The following DNAH7 variants were observed in gnomAD, a reference collection of about 807,000 sequenced individuals.
The protein encoded by DNAH7 is axonemal beta dynein heavy chain 7.
Under a neutral mutation model 444.6 loss-of-function variants are expected in DNAH7, and 397 were observed. That is an observed-to-expected ratio of 0.89 (90% confidence interval 0.82 to 0.97). The LOEUF (loss-of-function observed/expected upper bound fraction) is 0.97, where lower values mean the gene tolerates loss of function less well. Ranked by LOEUF, DNAH7 falls within the 50% of genes least tolerant of loss-of-function variation. DNAH7 has a pLI of 0.00. For missense variants in DNAH7, 4,902 were observed against 4,800.8 expected (o/e 1.02, Z -0.62); for synonymous variants, 1,636 against 1,624.4 (o/e 1.01, Z -0.17).
In DNAH7 at chr2:195,923,779, T is replaced by C. The variant is rs1453376477; in HGVS notation, c.3641A>G (p.Asn1214Ser). The change falls in exon 23 of 65, where the codon AAC becomes AGC. Residue 1214 changes from asparagine to serine, a missense_variant. Transcript: ENST00000312428. ...AGTGACAATATCATCAATTTGTCTG[T>C]TACATGTTTTCAAGTATTGCTCAAG... ...KALEQYLKTC[N>S]RQIDDIVTLV... 1.9e-6 allele frequency: 3 copies of C among 1,614,032 alleles called. No homozygotes were observed. The East Asian group carries it at 6.7e-5, about 36-fold the overall frequency.
chr2:195,767,434 A>G (rs539345543), intron 61 of DNAH7, among the ~76,000 whole-genome samples: 1 of 152,208 alleles, frequency 6.6e-6, no homozygotes, highest in East Asian at 1.9e-4. Context: ...TACACCAGTT[A>G]GCTCAATTTG....
rs536197004 is a variant in DNAH7, at chr2:195,798,590, C to T, written c.10353+706G>A. Among the ~76,000 whole-genome samples, 19 of 132,264 alleles carry T rather than the reference C, an allele frequency of 1.4e-4. No individual in the cohort carries two copies. The South Asian group carries it at 4.5e-3, about 31-fold the overall frequency. 86.8% of individuals were successfully genotyped at this position (132,264 alleles called of 152,430 possible). ...ATGGAGTCTCACTCTGTCGCCCAGG[C>T]TGGAGTGCTATGGCGTGATCTCGGC... On this transcript the variant is annotated intron_variant, in intron 55 of 64. Coordinates refer to ENST00000312428, the MANE Select transcript of DNAH7 (RefSeq NM_018897.3).
At chr2:196,026,254 G>C (rs1445189071) in intron 7 of DNAH7, among the ~76,000 whole-genome samples, 1 of 152,160 alleles carries the variant, frequency 6.6e-6, no homozygotes, top group South Asian at 2.1e-4. Context: ...TTGCCTGTGA[G>C]CTATAGTTTG....
At chr2:195,896,109 T>C (rs1300754820) in intron 29 of DNAH7, among the ~76,000 whole-genome samples, 1 of 152,230 alleles carries the variant, frequency 6.6e-6, no homozygotes, top group African/African-American at 2.4e-5. Context: ...GGATAGGTGT[T>C]GAACATTTTA....
rs1000865452 is a variant in DNAH7 at position 196,026,944 on chromosome 2, C to A, written c.487-4G>T. 12 of 1,554,162 alleles carry A rather than the reference C, an allele frequency of 7.7e-6. No individual in the cohort carries two copies. In the African/African-American group the frequency reaches 9.6e-5, roughly 12 times the overall value. Reference sequence around the variant, plus strand: ...GGTGAATATAATAGTAATATCTCTACAAAAAGAAGATAGGAAAAATGTAGA... The same window carrying A: ...GGTGAATATAATAGTAATATCTCTAAAAAAAGAAGATAGGAAAAATGTAGA... On this transcript the variant is annotated splice_region_variant and splice_polypyrimidine_tract_variant and intron_variant, in intron 6 of 64. Coordinates refer to ENST00000312428, the MANE Select transcript of DNAH7 (RefSeq NM_018897.3).
chr2:196,004,057 C>A (rs1347381468), intron 10 of DNAH7, among the ~76,000 whole-genome samples: 1 of 152,096 alleles, frequency 6.6e-6, no homozygotes, highest in Non-Finnish European at 1.5e-5. Context: ...CAGGCATGAT[C>A]CAAGGTGAAA....
At chr2:195,988,354 T>TTAACC in intron 12 of DNAH7, 125 bp from the exon 13 acceptor site, 1 of 833,318 alleles carries the variant, frequency 1.2e-6, no homozygotes, top group Non-Finnish European at 1.8e-6. Context: ...TTTTAACTGT[T>TTAACC]TAACCTCTAA....
intron 27 of DNAH7, chr2:195,905,100 A>G (rs886066159): frequency 6.6e-6 from 1 of 152,152 alleles, no homozygotes; most frequent in African/African-American, 2.4e-5. Flanking sequence ...CAACCTGCAC[A>G]GTAAATAAAA....
At chr2:195,802,717 T>C (rs1393126258) in intron 54 of DNAH7, among the ~76,000 whole-genome samples, 1 of 152,046 alleles carries the variant, frequency 6.6e-6, no homozygotes, top group African/African-American at 2.4e-5. Flanking sequence ...ACAAAAATTT[T>C]GTATAAACTT....
intron 49 of DNAH7, among the ~76,000 whole-genome samples, chr2:195,818,291 AGAAAAGG>A (rs1326539409): frequency 6.6e-6 from 1 of 152,252 alleles, no homozygotes; most frequent in African/African-American, 2.4e-5. Flanking sequence ...GTGAGATAAG[AGAAAAGG>A]GAACACTGTA....
At chr2:196,062,383 T>A (rs543536505) in intron 1 of DNAH7, among the ~76,000 whole-genome samples, 1 of 152,352 alleles carries the variant, frequency 6.6e-6, no homozygotes, top group African/African-American at 2.4e-5. Flanking sequence ...ACCTTCTCTA[T>A]GCTTGTACCC....
intron 15 of DNAH7, among the ~76,000 whole-genome samples, chr2:195,983,680 C>T (rs947174024): frequency 1.3e-5 from 2 of 152,132 alleles, no homozygotes; most frequent in Non-Finnish European, 2.9e-5. Context: ...ATATCAACTT[C>T]AAACATAGAA....
chr2:196,027,368 A>G (rs1356496166), intron 6 of DNAH7, among the ~76,000 whole-genome samples: 2 of 151,968 alleles, frequency 1.3e-5, no homozygotes, highest in African/African-American at 4.8e-5. Flanking sequence ...GACATTTCCA[A>G]CTGGCCTATT....
chr2:195,795,701 G>A (rs1396321060), intron 56 of DNAH7: 2 of 152,328 alleles, frequency 1.3e-5, no homozygotes, highest in Non-Finnish European at 2.9e-5. Flanking sequence ...AAAGTGTCAG[G>A]CAGTGAAGAT....
intron 24 of DNAH7, among the ~76,000 whole-genome samples, chr2:195,911,046 G>A (rs1052735117): frequency 6.6e-6 from 1 of 152,140 alleles, no homozygotes; most frequent in African/African-American, 2.4e-5. Flanking sequence ...GTGACAACAT[G>A]CAAGACTGCA....
intron 51 of DNAH7, among the ~76,000 whole-genome samples, chr2:195,812,583 T>C (rs911884141): frequency 6.6e-6 from 1 of 152,224 alleles, no homozygotes; most frequent in Non-Finnish European, 1.5e-5. Context: ...ATCCAAGTTA[T>C]GGCAATTGCA....
At chr2:196,060,212 T>C (rs1376684041) in intron 1 of DNAH7, among the ~76,000 whole-genome samples, 69 of 151,992 alleles carry the variant, frequency 4.5e-4, no homozygotes, top group Non-Finnish European at 8.8e-5. Flanking sequence ...AGAGAGACAC[T>C]GTCTCAAAAA....
At position 195,980,201 on chromosome 2, in the gene DNAH7, C is replaced by T. The variant is rs565239772; in HGVS notation, c.1833+4431G>A. On this transcript the variant is annotated intron_variant, in intron 15 of 64. Coordinates refer to ENST00000312428, the MANE Select transcript of DNAH7 (RefSeq NM_018897.3). ...GACCCGGTGGGAGGTAATTGAATTA[C>T]AGAGGCAGTTATCCTCAGGCTGTTC... Among the ~76,000 whole-genome samples the T allele has an allele frequency of 5.4e-4, 82 of 151,892 alleles. 1 individual carries two copies. The highest frequency in any genetic ancestry group is 1.3e-3 in the African/African-American group (52 of 41,440).
intron 15 of DNAH7, among the ~76,000 whole-genome samples, chr2:195,975,532 C>T (rs189675551): frequency 1.2e-4 from 19 of 152,086 alleles, no homozygotes; most frequent in Non-Finnish European, 2.2e-4. Context: ...GTTTTAGTGC[C>T]GTGTGGGGTC....
Sources: gnomAD v4.1 joint callset for allele counts (sites outside exome capture counted in the v4.1 genomes callset) on GRCh38, gnomAD v4.1.1 for gene constraint, MANE v1.5 for transcripts, NCBI Gene and HGNC (gene_info 2026-07-23, HGNC 2026-07-21) for gene names.